CEP43: variants seen among roughly 807,000 people sequenced by gnomAD.
The protein encoded by CEP43 is centrosomal protein 43.
In CEP43, 36 loss-of-function variants were observed where a neutral mutation model predicts 52.6. The observed-to-expected ratio is 0.68, with a 90% CI of 0.52 to 0.90. CEP43 has a LOEUF of 0.90. Among genes scored for constraint, CEP43 ranks in the 40% least tolerant of loss-of-function variants. CEP43 has a pLI of 0.00. For missense variants in CEP43, 506 were observed against 472.8 expected (o/e 1.07, Z -0.65); for synonymous variants, 192 against 172.4 (o/e 1.11, Z -0.89).
chr6:167,003,474 A>T (rs1009516302), intron 3 of CEP43: 2 of 513,942 alleles, frequency 3.9e-6, no homozygotes, highest in East Asian at 6.2e-5. Context: ...AATATTAACC[A>T]TTAAAAAGCG....
rs1018888173 is a variant in CEP43 at position 167,045,365 on chromosome 6, C to CA, written c.*5387_*5388insA. 1.3e-5 allele frequency: 2 copies of CA among 151,382 alleles called. No individual in the cohort carries two copies. The highest frequency in any genetic ancestry group is 2.4e-5 in the African/African-American group (1 of 41,354). 9.4% of individuals were successfully genotyped at this position (151,382 alleles called of 1,614,324 possible). On this transcript the variant is annotated 3_prime_UTR_variant, in exon 13 of 13. Transcript: ENST00000366847. ...GTGATCCGCACCCCTCCCCGCCCCC[C>CA]CCGCGGCCCAGCCTCCCAAAGTGCT...
chr6:167,011,855 G>A (rs986053221), intron 6 of CEP43, among the ~76,000 whole-genome samples: 2 of 152,300 alleles, frequency 1.3e-5, no homozygotes, highest in South Asian at 2.1e-4. Flanking sequence ...GCCTTCACCC[G>A]CATGATCTGC....
At chr6:167,026,724 T>C (rs1458777694) in intron 10 of CEP43, 109 bp downstream of exon 10, 1 of 683,174 alleles carries the variant, frequency 1.5e-6, no homozygotes, top group Non-Finnish European at 2.6e-6. Flanking sequence ...TTCCTGCTGC[T>C]GCTCATTCAG....
intron 7 of CEP43, among the ~76,000 whole-genome samples, chr6:167,016,609 C>T (rs1388538843): frequency 6.6e-6 from 1 of 152,112 alleles, no homozygotes; most frequent in Non-Finnish European, 1.5e-5. Flanking sequence ...TGCTTTTTCA[C>T]ATTACGTGTA....
At chr6:167,029,238 C>T (rs997868375) in intron 10 of CEP43, among the ~76,000 whole-genome samples, 3 of 152,142 alleles carry the variant, frequency 2.0e-5, no homozygotes, top group East Asian at 3.8e-4. Flanking sequence ...GCAGATAAGA[C>T]AGAGGGTATG....
chr6:167,031,406 A>G (rs182027243), intron 10 of CEP43, among the ~76,000 whole-genome samples: 107 of 152,276 alleles, frequency 7.0e-4, no homozygotes, highest in African/African-American at 2.4e-3. Flanking sequence ...CCTCTTCACT[A>G]GAGTGTTTGC....
intron 5 of CEP43, among the ~76,000 whole-genome samples, chr6:167,005,396 A>C (rs1390283087): frequency 6.6e-6 from 1 of 152,260 alleles, no homozygotes; most frequent in African/African-American, 2.4e-5. Context: ...TTGTCATTTA[A>C]CACATTATTT....
chr6:167,047,853 C>T lies in CEP43; in HGVS notation c.*7875C>T, dbSNP rs544266469. The T allele has an allele frequency of 9.9e-5, 15 of 152,150 alleles. 1 individual carries two copies. Among genetic ancestry groups the T allele is most frequent in the Non-Finnish European group, 4.4e-5 (3 of 68,040 alleles). The allele number at this position is 152,150 out of a possible 1,614,324, so 9.4% of individuals were successfully genotyped here. On this transcript the variant is annotated 3_prime_UTR_variant, in exon 13 of 13. Coordinates refer to ENST00000366847, the MANE Select transcript of CEP43 (RefSeq NM_007045.4). ...TGACTCCACTACCACTCAGAGGAAC[C>T]TCACGGTGGATGCCGTAAGTGTTTA...
chr6:167,005,653 A>G (rs561456129), intron 5 of CEP43, among the ~76,000 whole-genome samples: 3 of 152,062 alleles, frequency 2.0e-5, no homozygotes, highest in South Asian at 4.2e-4. Context: ...ATATAATTTC[A>G]TTCCTTCATT....
At chr6:167,003,451 A>C in intron 3 of CEP43, 1 of 508,624 alleles carries the variant, frequency 2.0e-6, no homozygotes, top group South Asian at 3.3e-5. Context: ...AGCCAGTTTT[A>C]CTACAAAAAG....
rs1322077 is a variant in CEP43 at position 167,010,805 on chromosome 6, T to C, written c.439-8T>C. On this transcript the variant is annotated splice_polypyrimidine_tract_variant and splice_region_variant and intron_variant, in intron 5 of 12. Coordinates refer to ENST00000366847, the MANE Select transcript of CEP43 (RefSeq NM_007045.4). ...AATGTATTTTAATTTTAAACTAAAA[T>C]ATTTTAGGGTGCACTTGATCTATCT... 0.43 allele frequency: 616,492 copies of C among 1,443,066 alleles called. 136,017 individuals are homozygous for C. Among genetic ancestry groups the C allele is most frequent in the Non-Finnish European group, 0.46 (491,598 of 1,076,690 alleles). 89.4% of individuals were successfully genotyped at this position (1,443,066 alleles called of 1,614,324 possible). A position where few individuals can be genotyped will look rare whatever the true frequency, so the allele number is the denominator to read the frequency against.
chr6:167,028,518 G>A (rs753079348), intron 10 of CEP43: 77 of 984,358 alleles, frequency 7.8e-5, no homozygotes, highest in Admixed American at 6.2e-5. Context: ...GTTGTTTTCT[G>A]TTTGGGTTGT....
At chr6:166,999,644 G>T (rs1440739724) in intron 1 of CEP43, 130 bp downstream of exon 1, 2 of 567,366 alleles carry the variant, frequency 3.5e-6, no homozygotes, top group Admixed American at 4.4e-5. Context: ...CTGGGGGCGC[G>T]CCCCGGCATG....
Position 166,999,514 on chromosome 6 carries a change from G to A in CEP43, c.102G>A (p.Lys34=), listed in dbSNP as rs1028879519. The A allele has an allele frequency of 9.7e-6, 14 of 1,438,232 alleles. No homozygotes were observed. Among genetic ancestry groups the A allele is most frequent in the Middle Eastern group, 4.9e-4 (2 of 4,102 alleles). The allele number at this position is 1,438,232 out of a possible 1,614,324, so 89.1% of individuals were successfully genotyped here. A position where few individuals can be genotyped will look rare whatever the true frequency, so the allele number is the denominator to read the frequency against. The change falls in exon 1 of 13, where the codon AAG becomes AAA. Residue 34 remains lysine, a splice_region_variant and synonymous_variant. Coordinates refer to ENST00000366847, the MANE Select transcript of CEP43 (RefSeq NM_007045.4). ...LENSGVLNRI[K]AELRAAVFLA... is the part of the protein sequence containing the mutation. ...ACAGCGGGGTCCTGAACCGCATCAA[G>A]GTGAGGCCGGAGGCTGGGGCCGGGC...
intron 5 of CEP43, among the ~76,000 whole-genome samples, chr6:167,006,080 A>C (rs1446235431): frequency 2.0e-5 from 3 of 152,208 alleles, no homozygotes; most frequent in African/African-American, 7.2e-5. Context: ...TGCAACATGG[A>C]GATCACAGAA....
intron 7 of CEP43, among the ~76,000 whole-genome samples, chr6:167,015,401 A>G (rs1392027669): frequency 6.6e-6 from 1 of 152,206 alleles, no homozygotes; most frequent in East Asian, 1.9e-4. Context: ...TGCCTTGTGC[A>G]TGCAGTGAGT....
intron 5 of CEP43, among the ~76,000 whole-genome samples, chr6:167,008,621 C>T (rs1296224410): frequency 2.6e-5 from 4 of 152,074 alleles, no homozygotes; most frequent in African/African-American, 9.7e-5. Flanking sequence ...GCAGCCACCA[C>T]CACACCCGGC....
At chr6:167,000,912 A>G (rs768444540) in intron 2 of CEP43, among the ~76,000 whole-genome samples, 57 of 152,376 alleles carry the variant, frequency 3.7e-4, no homozygotes, top group Middle Eastern at 6.8e-3. Flanking sequence ...CCCACTTTGC[A>G]CATATGTGCT....
chr6:167,032,495 T>A, intron 10 of CEP43, 108 bp from the exon 11 acceptor site: 1 of 1,001,948 alleles, frequency 1.0e-6, no homozygotes, highest in Non-Finnish European at 1.4e-6. Context: ...AGTCTGGGAC[T>A]TTTTAAATGA....
Sources: gnomAD v4.1 joint callset for allele counts (sites outside exome capture counted in the v4.1 genomes callset) on GRCh38, gnomAD v4.1.1 for gene constraint, MANE v1.5 for transcripts, NCBI Gene and HGNC (gene_info 2026-07-23, HGNC 2026-07-21) for gene names.